The following BIRC6 variants were observed in gnomAD, a reference collection of about 807,000 sequenced individuals.
BIRC6 encodes the protein baculoviral IAP repeat containing 6, also known as dual E2 ubiquitin-conjugating enzyme/E3 ubiquitin-protein ligase BIRC6.
Under a neutral mutation model 503.3 loss-of-function variants are expected in BIRC6, and 98 were observed. The ratio of observed to expected loss-of-function variants is 0.19; its 90% CI spans 0.17 to 0.23. BIRC6 has a LOEUF of 0.23. BIRC6 is among the 10% of genes least tolerant of loss of function. The pLI is 1.00. For synonymous variants in BIRC6, 2,240 were observed against 2,078.7 expected, an observed-to-expected ratio of 1.08 and a Z score of -2.11; for missense variants, 5,360 against 5,806.0, an observed-to-expected ratio of 0.92 and a Z score of 2.50.
chr2:32,554,644 G>C (rs972478479), intron 65 of BIRC6, among the ~76,000 whole-genome samples: 1 of 151,878 alleles, frequency 6.6e-6, no homozygotes, highest in Admixed American at 6.6e-5. Context: ...CCTAATATTG[G>C]TTTGACAGTT....
chr2:32,483,168 C>CG (rs2050606764), intron 39 of BIRC6, among the ~76,000 whole-genome samples: 1 of 152,040 alleles, frequency 6.6e-6, no homozygotes, highest in Non-Finnish European at 1.5e-5. Flanking sequence ...CTGCCTGCCT[C>CG]GGCCTCCAAA....
intron 65 of BIRC6, among the ~76,000 whole-genome samples, chr2:32,556,051 C>T (rs1040245303): frequency 6.6e-6 from 1 of 152,060 alleles, no homozygotes; most frequent in African/African-American, 2.4e-5. Context: ...AAACACTTGC[C>T]TATGTTTAAT....
At chr2:32,476,892 T>C (rs1183734010) in intron 34 of BIRC6, among the ~76,000 whole-genome samples, 2 of 152,176 alleles carry the variant, frequency 1.3e-5, no homozygotes, top group African/African-American at 4.8e-5. Context: ...GGTGTTTACT[T>C]TTTAAAATTT....
At chr2:32,571,378 C>CTGTTT (rs2059902663) in intron 65 of BIRC6, among the ~76,000 whole-genome samples, 1 of 20,302 alleles carries the variant, frequency 4.9e-5, no homozygotes, top group African/African-American at 2.1e-4. Flanking sequence ...TGGTCCTGGG[C>CTGTTT]TTTTTTTTTT....
intron 63 of BIRC6, among the ~76,000 whole-genome samples, 163 bp downstream of exon 63, chr2:32,546,023 A>G (rs755426350): frequency 6.6e-6 from 1 of 152,224 alleles, no homozygotes; most frequent in Admixed American, 6.5e-5. Context: ...TGTTTTCTCT[A>G]TTAGTCTTCT....
At chr2:32,470,953 G>T in intron 31 of BIRC6, 61 bp from the exon 32 acceptor site, 1 of 1,500,622 alleles carries the variant, frequency 6.7e-7, no homozygotes, top group Non-Finnish European at 9.0e-7. Context: ...TATATTATCA[G>T]ATCTAATTAG....
At chr2:32,476,581 A>T (rs1210987141) in intron 34 of BIRC6, among the ~76,000 whole-genome samples, 1 of 152,174 alleles carries the variant, frequency 6.6e-6, no homozygotes, top group Non-Finnish European at 1.5e-5. Context: ...TTGAAGATAA[A>T]GGATAGTGGA....
intron 44 of BIRC6, among the ~76,000 whole-genome samples, chr2:32,492,284 C>T (rs1350537284): frequency 6.6e-6 from 1 of 152,014 alleles, no homozygotes; most frequent in Admixed American, 6.5e-5. Flanking sequence ...TGTGCTTGTT[C>T]TAGGTACTAG....
intron 1 of BIRC6, among the ~76,000 whole-genome samples, chr2:32,374,252 C>T (rs563031993): frequency 9.0e-4 from 137 of 152,134 alleles, no homozygotes; most frequent in Non-Finnish European, 1.7e-3. Context: ...AGTCATATCT[C>T]TTGACTCTAT....
intron 61 of BIRC6, among the ~76,000 whole-genome samples, chr2:32,537,255 G>T (rs1035168083): frequency 6.6e-6 from 1 of 152,094 alleles, no homozygotes; most frequent in Admixed American, 6.6e-5. Context: ...GGATATCCAG[G>T]AATTGAACTC....
intron 70 of BIRC6, among the ~76,000 whole-genome samples, chr2:32,600,920 C>T (rs2062012523): frequency 6.6e-6 from 1 of 152,172 alleles, no homozygotes; most frequent in Non-Finnish European, 1.5e-5. Flanking sequence ...TTTGGCTTCC[C>T]TGGGCCACTT....
At chr2:32,388,681 G>T in intron 3 of BIRC6, 69 bp from the exon 4 acceptor site, 1 of 1,155,744 alleles carries the variant, frequency 8.7e-7, no homozygotes, top group South Asian at 2.1e-5. Context: ...TTTGATAATG[G>T]TTAAGTTATG....
intron 15 of BIRC6, among the ~76,000 whole-genome samples, chr2:32,436,848 G>GC (rs59789245): frequency 1 from 151,034 of 151,036 alleles, 75,516 homozygotes; most frequent in Non-Finnish European, 1. Flanking sequence ...ACAGGCGTCA[G>GC]CACCGCACCT....
At chr2:32,408,476 G>GT (rs1291155717) in intron 9 of BIRC6, among the ~76,000 whole-genome samples, 1 of 152,120 alleles carries the variant, frequency 6.6e-6, no homozygotes, top group Non-Finnish European at 1.5e-5. Context: ...GTGGGCTTCA[G>GT]TTTTTCCTTT....
At position 32,505,025 on chromosome 2, in the gene BIRC6, C is replaced by T. The variant is rs1239404691; in HGVS notation, c.9520C>T (p.Pro3174Ser). The change falls in exon 50 of 74, where the codon CCT (proline) becomes TCT (serine). Residue 3174 changes from proline (P) to serine (S), a missense_variant. Physicochemically the swap from Pro to Ser is moderately conservative, Grantham distance 74. Transcript: ENST00000421745. Reference sequence around the variant, plus strand: ...TCTAGGTACAATCACATCTAGCAGTCCTACTGCCCAACCAGCTGAAGTGCT... The same window carrying T: ...TCTAGGTACAATCACATCTAGCAGTTCTACTGCCCAACCAGCTGAAGTGCT... Reference protein sequence around the residue: ...APLGTITSSSPTAQPAEVLLQ... With the variant: ...APLGTITSSSSTAQPAEVLLQ... 6.2e-7 allele frequency: 1 copy of T among 1,613,640 alleles called. No homozygotes were observed. The highest frequency in any genetic ancestry group is 8.5e-7 in the Non-Finnish European group (1 of 1,179,696).
chr2:32,571,859 A>G (rs2059936294), intron 65 of BIRC6, among the ~76,000 whole-genome samples: 1 of 152,086 alleles, frequency 6.6e-6, no homozygotes, highest in Non-Finnish European at 1.5e-5. Context: ...GCAGGCTTTT[A>G]AGGCTATACA....
intron 21 of BIRC6, among the ~76,000 whole-genome samples, chr2:32,446,887 GAGGACCCTGCGGC>G (rs753423574): frequency 4.7e-5 from 6 of 127,684 alleles, no homozygotes; most frequent in Admixed American, 2.4e-4. Flanking sequence ...TTCCTAGGCA[GAGGACCCTGCGGC>G]CTTCCGCAGT....
At position 32,579,505 on chromosome 2, in the gene BIRC6, T is replaced by A. The variant is rs528811633; in HGVS notation, c.13355+4139T>A. ...GAGTTCAAGACCAGCCTTGGCAACATAGGGAGACCCTGTCTCTACAAAACA... is the reference window on the plus strand; with the variant it reads ...GAGTTCAAGACCAGCCTTGGCAACAAAGGGAGACCCTGTCTCTACAAAACA... On this transcript the variant is annotated intron_variant, in intron 66 of 73. Coordinates refer to ENST00000421745, the MANE Select transcript of BIRC6 (RefSeq NM_016252.4). Among the ~76,000 whole-genome samples the A allele has an allele frequency of 1.5e-4, 23 of 152,166 alleles. 1 individual carries two copies. Among genetic ancestry groups the A allele is most frequent in the South Asian group, 6.2e-4 (3 of 4,822 alleles).
intron 1 of BIRC6, among the ~76,000 whole-genome samples, chr2:32,373,742 G>T (rs1202663930): frequency 6.6e-6 from 1 of 152,166 alleles, no homozygotes; most frequent in Admixed American, 6.6e-5. Context: ...TTCTGGGTGT[G>T]TACCTCAAAG....
Sources: gnomAD v4.1 joint callset for allele counts (sites outside exome capture counted in the v4.1 genomes callset) on GRCh38, gnomAD v4.1.1 for gene constraint, MANE v1.5 for transcripts, NCBI Gene and HGNC (gene_info 2026-07-23, HGNC 2026-07-21) for gene names.